HPS3: variants seen among roughly 807,000 people sequenced by gnomAD.
HPS3 encodes the protein HPS3 biogenesis of lysosomal organelles complex 2 subunit 1, also known as BLOC-2 complex member HPS3.
HPS3 carries 79 observed loss-of-function variants against 110.9 expected under a neutral mutation model. The ratio of observed to expected loss-of-function variants is 0.71; its 90% CI spans 0.59 to 0.86. The LOEUF (loss-of-function observed/expected upper bound fraction) is 0.86. Ranked by LOEUF, HPS3 falls within the 40% of genes least tolerant of loss-of-function variation. The probability of loss-of-function intolerance (pLI) is 0.00; values close to 1 mark genes in which losing one functional copy is unlikely to be tolerated. For synonymous variants in HPS3, 428 were observed against 451.0 expected (o/e 0.95, Z 0.65); for missense variants, 1,197 against 1,206.2 (o/e 0.99, Z 0.11).
chr3:149,141,532 T>G (rs1281444712), intron 4 of HPS3, 152 bp downstream of exon 4: 6,518 of 157,584 alleles, frequency 0.041, 12 homozygotes, highest in African/African-American at 0.076. Flanking sequence ...TTTTTTTTTG[T>G]TTTTTTTTTT....
chr3:149,157,526 C>A lies in HPS3; in HGVS notation c.1686C>A (p.Tyr562Ter), dbSNP rs1292407171. 1.9e-6 allele frequency: 3 copies of A among 1,613,612 alleles called. No individual in the cohort carries two copies. In the African/African-American group the frequency reaches 4.0e-5, roughly 22 times the overall value. The change falls in exon 9 of 17, where the codon TAC (tyrosine) becomes TAA (stop). Residue 562 changes from tyrosine to a stop codon, truncating the protein, a stop_gained. Transcript: ENST00000296051. LOFTEE classifies it high-confidence loss of function. ...KESCGHLGDC[Y>*]SRLDSQHSHL... ...GCTGTGGGCACCTTGGGGACTGTTA[C>A]AGCAGGTGGGTGACACCTCTTGGAA...
Position 149,140,475 on chromosome 3 carries a change from A to G in HPS3, c.689A>G (p.Asn230Ser), listed in dbSNP as rs758772751. The G allele has an allele frequency of 4.3e-6, 7 of 1,614,156 alleles. No individual in the cohort carries two copies. Among genetic ancestry groups the G allele is most frequent in the African/African-American group, 1.3e-5 (1 of 75,054 alleles). ...CACCACCATCCACATAAGACCAACA[A>G]TCGAATAAGACGGACAGAAGAAGGT... ...RVHHHPHKTN[N>S]RIRRTEEGIS... The change falls in exon 2 of 17, where the codon AAT becomes AGT. Residue 230 changes from asparagine (N) to serine (S), a missense_variant. Physicochemically the swap from Asn to Ser is conservative, Grantham distance 46 (BLOSUM62 1). Transcript: ENST00000296051.
chr3:149,165,818 A>G (rs1724357443), intron 14 of HPS3: 1 of 337,922 alleles, frequency 3.0e-6, no homozygotes, highest in South Asian at 2.4e-5. Flanking sequence ...GAGGTAATCT[A>G]TTTTCTCCCA....
At chr3:149,150,788 AGGTT>A in intron 6 of HPS3, 108 bp downstream of exon 6, 1 of 872,672 alleles carries the variant, frequency 1.1e-6, no homozygotes, top group South Asian at 1.4e-5. Context: ...AAAGAGCTTA[AGGTT>A]GTCTAATGTA....
intron 4 of HPS3, among the ~76,000 whole-genome samples, chr3:149,144,415 C>A (rs138159876): frequency 1.3e-5 from 2 of 152,150 alleles, no homozygotes; most frequent in East Asian, 1.9e-4. Flanking sequence ...TTTGTTGATA[C>A]CACCAGATAT....
chr3:149,154,595 A>T (rs6803065), intron 7 of HPS3, among the ~76,000 whole-genome samples: 30,010 of 152,208 alleles, frequency 0.2, 3,730 homozygotes, highest in African/African-American at 0.36. Context: ...ATAAACAATT[A>T]TAAAAGATTG....
Position 149,160,070 on chromosome 3 carries a change from A to T in HPS3, c.1897A>T (p.Met633Leu). The T allele has an allele frequency of 1.2e-6, 2 of 1,613,848 alleles. No homozygotes were observed. Among genetic ancestry groups the T allele is most frequent in the Admixed American group, 1.7e-5 (1 of 59,990 alleles). ...GGAATTAGCAGCAAAAGTGGTTCAG[A>T]TGTTTTATGTGGCTGAGCCAAAGCA... is the stretch of plus-strand genomic sequence containing the variant. ...NEELAAKVVQMFYVAEPKQVP... is the reference protein window; with the variant it reads ...NEELAAKVVQLFYVAEPKQVP... Residue 633 changes from methionine to leucine, a missense_variant, in exon 11 of 17, where the codon ATG (methionine) becomes TTG (leucine). Physicochemically the swap from Met to Leu is conservative, Grantham distance 15. Transcript: ENST00000296051.
In HPS3 at chr3:149,153,612, C is replaced by T. The variant is rs1437457811; in HGVS notation, c.1364C>T (p.Ala455Val). The T allele has an allele frequency of 1.2e-6, 2 of 1,614,052 alleles. No homozygotes were observed. Among genetic ancestry groups the T allele is most frequent in the South Asian group, 2.2e-5 (2 of 91,092 alleles). Reference sequence around the variant, plus strand: ...CTTTTGACTAAAGCAGAACCTGAAGCCATTCCAGAGAGAAGACAGTCACCC... The same window carrying T: ...CTTTTGACTAAAGCAGAACCTGAAGTCATTCCAGAGAGAAGACAGTCACCC... ...IILLTKAEPE[A>V]IPERRQSPKR... The change falls in exon 7 of 17, where the codon GCC (alanine) becomes GTC (valine). Residue 455 changes from alanine (A) to valine (V), a missense_variant. Ala to Val is a moderately conservative substitution (Grantham distance 64). Coordinates refer to ENST00000296051, the MANE Select transcript of HPS3 (RefSeq NM_032383.5).
In HPS3 at chr3:149,168,237, G is replaced by T. The variant is rs553610247; in HGVS notation, c.2887+254G>T. The stretch of plus-strand genomic sequence containing the variant: ...ACAAATTATCACAGTCATAGAAAAT[G>T]ACAGCATCAGTGTTTTAAAATGTGA... On this transcript the variant is annotated intron_variant, in intron 16 of 16. Coordinates refer to ENST00000296051, the MANE Select transcript of HPS3 (RefSeq NM_032383.5). The T allele has an allele frequency of 9.5e-4, 407 of 430,246 alleles. 1 individual carries two copies. Among genetic ancestry groups the T allele is most frequent in the Non-Finnish European group, 1.5e-3 (346 of 235,168 alleles). The allele number at this position is 430,246 out of a possible 1,614,324, so 26.7% of individuals were successfully genotyped here.
Position 149,160,296 on chromosome 3 carries a change from G to C in HPS3, c.2106+17G>C, listed in dbSNP as rs779194576. ...CATTCAGAGGTATGGAGCTCTGCCC[G>C]GTGCTAACAGAAGGCTGAAATAGGA... is the stretch of plus-strand genomic sequence containing the variant. On this transcript the variant is annotated intron_variant, in intron 11 of 16. Transcript: ENST00000296051. 1.3e-6 allele frequency: 2 copies of C among 1,541,122 alleles called. No homozygotes were observed. Among genetic ancestry groups the C allele is most frequent in the African/African-American group, 1.4e-5 (1 of 73,336 alleles).
chr3:149,141,511 TTAACA>T (rs1722453172), intron 4 of HPS3, 131 bp downstream of exon 4: 9 of 687,792 alleles, frequency 1.3e-5, no homozygotes, highest in Non-Finnish European at 2.3e-5. Flanking sequence ...TTGTGGCCCT[TTAACA>T]AAGTTTTTTT....
At chr3:149,160,009 AC>A in intron 10 of HPS3, 36 bp from the exon 11 acceptor site, 1 of 1,478,270 alleles carries the variant, frequency 6.8e-7, no homozygotes, top group Admixed American at 1.7e-5. Flanking sequence ...TGGCTGACTG[AC>A]CTTTTATTCC....
At chr3:149,158,310 A>G (rs902713560) in intron 9 of HPS3, among the ~76,000 whole-genome samples, 1 of 152,152 alleles carries the variant, frequency 6.6e-6, no homozygotes, top group Non-Finnish European at 1.5e-5. Flanking sequence ...GAATTAACTT[A>G]AATTGTTGTT....
Position 149,145,448 on chromosome 3 carries a change from C to T in HPS3, c.1065C>T (p.Tyr355=). The change falls in exon 5 of 17, where the codon TAC becomes TAT. Residue 355 remains tyrosine, a synonymous_variant. Coordinates refer to ENST00000296051, the MANE Select transcript of HPS3 (RefSeq NM_032383.5). ...FFSLPHVGYL[Y]MVVKSVELMS... ...CCTTACCTCATGTGGGCTATCTCTA[C>T]ATGGTTGTCAAATCTGTTGAATTGA... The T allele has an allele frequency of 6.2e-7, 1 of 1,613,936 alleles. No individual in the cohort carries two copies. The highest frequency in any genetic ancestry group is 8.5e-7 in the Non-Finnish European group (1 of 1,179,846).
chr3:149,130,024 C>G, intron 1 of HPS3, 84 bp downstream of exon 1: 2 of 1,309,400 alleles, frequency 1.5e-6, no homozygotes, highest in Non-Finnish European at 2.1e-6. Context: ...GGCTGTAGCT[C>G]TAGCTAGGGA....
chr3:149,157,989 A>T (rs1004178818), intron 9 of HPS3, among the ~76,000 whole-genome samples: 2 of 152,222 alleles, frequency 1.3e-5, no homozygotes, highest in Non-Finnish European at 2.9e-5. Flanking sequence ...TAATACATAC[A>T]TGATTATAAA....
Position 149,129,679 on chromosome 3 carries a change from C to T in HPS3, c.-45C>T. On this transcript the variant is annotated 5_prime_UTR_variant, in exon 1 of 17. Coordinates refer to ENST00000296051, the MANE Select transcript of HPS3 (RefSeq NM_032383.5). ...TCGCGGTCAGCGCGGGGTCTCCGGG[C>T]GCCCTGCAGGGCGGGCAGGCTGTGC... The T allele has an allele frequency of 2.1e-6, 3 of 1,423,108 alleles. No homozygotes were observed. Among genetic ancestry groups the T allele is most frequent in the Non-Finnish European group, 2.8e-6 (3 of 1,072,138 alleles). 88.2% of individuals were successfully genotyped at this position (1,423,108 alleles called of 1,614,324 possible). A position where few individuals can be genotyped will look rare whatever the true frequency, so the allele number is the denominator to read the frequency against.
chr3:149,130,157 G>C (rs896173565), intron 1 of HPS3: 1 of 574,358 alleles, frequency 1.7e-6, no homozygotes. Flanking sequence ...GCTTCTGTCG[G>C]GGCGGAGACG....
rs2108187390 is a variant in HPS3 at position 149,167,993 on chromosome 3, T to C, written c.2887+10T>C. ...CTGTCATCATTAAAAGGTAAAATGA[T>C]TTTTTTTTTGCTTGATTATAAACTT... On this transcript the variant is annotated intron_variant, in intron 16 of 16. Transcript: ENST00000296051. 1 of 1,125,024 alleles carries C rather than the reference T, an allele frequency of 8.9e-7. No homozygotes were observed. 69.7% of individuals were successfully genotyped at this position (1,125,024 alleles called of 1,614,324 possible).
Sources: allele counts gnomAD v4.1 joint callset (sites outside exome capture counted in the v4.1 genomes callset), GRCh38; gene constraint gnomAD v4.1.1; transcripts MANE v1.5; gene names NCBI Gene and HGNC (gene_info 2026-07-23, HGNC 2026-07-21).